Variants in RYR3 observed in about 807,000 individuals in gnomAD.
RYR3 encodes the protein ryanodine receptor 3, also known as brain ryanodine receptor-calcium release channel.
RYR3 carries 207 observed loss-of-function variants against 584.3 expected under a neutral mutation model. The ratio of observed to expected loss-of-function variants is 0.35; its 90% CI spans 0.32 to 0.40. The LOEUF (loss-of-function observed/expected upper bound fraction) is 0.40. Ranked by LOEUF, RYR3 falls within the 10% of genes least tolerant of loss-of-function variation. The pLI, the probability that RYR3 is intolerant of heterozygous loss-of-function variation, is 1.00. For missense variants in RYR3, 5,616 were observed against 6,089.2 expected, an observed-to-expected ratio of 0.92 and a Z score of 2.59; for synonymous variants, 2,416 against 2,248.5, an observed-to-expected ratio of 1.07 and a Z score of -2.11.
At chr15:33,737,522 T>C (rs2069607400) in intron 49 of RYR3, among the ~76,000 whole-genome samples, 1 of 152,178 alleles carries the variant, frequency 6.6e-6, no homozygotes, top group South Asian at 2.1e-4. Context: ...TCAGGCAGCA[T>C]TTTACTGTGC....
intron 2 of RYR3, among the ~76,000 whole-genome samples, chr15:33,490,358 C>A (rs2050861010): frequency 6.6e-6 from 1 of 152,176 alleles, no homozygotes; most frequent in East Asian, 1.9e-4. Flanking sequence ...TCTGTTTCTT[C>A]TTGGAGCATT....
intron 10 of RYR3, among the ~76,000 whole-genome samples, chr15:33,557,599 G>A (rs1317589092): frequency 6.6e-6 from 1 of 152,056 alleles, no homozygotes; most frequent in Non-Finnish European, 1.5e-5. Context: ...TGGCCGGGAT[G>A]GTCTTGATCT....
chr15:33,509,466 T>C (rs536217611), intron 3 of RYR3, among the ~76,000 whole-genome samples: 1 of 152,240 alleles, frequency 6.6e-6, no homozygotes, highest in Non-Finnish European at 1.5e-5. Flanking sequence ...ATTTTGTATG[T>C]GTGTGAGGAG....
intron 36 of RYR3, among the ~76,000 whole-genome samples, chr15:33,668,595 A>G (rs1292853990): frequency 6.6e-6 from 1 of 152,260 alleles, no homozygotes; most frequent in Non-Finnish European, 1.5e-5. Flanking sequence ...CAACAGGGAT[A>G]GGACATTTTT....
chr15:33,607,082 T>A (rs1243489357), intron 18 of RYR3, among the ~76,000 whole-genome samples: 1 of 152,192 alleles, frequency 6.6e-6, no homozygotes, highest in African/African-American at 2.4e-5. Context: ...CAGTCCTATG[T>A]GGACGAGATC....
Position 33,857,910 on chromosome 15 carries a change from T to C in RYR3, c.14138T>C (p.Met4713Thr), listed in dbSNP as rs1442820852. Residue 4713 changes from methionine (M) to threonine (T), a missense_variant, in exon 99 of 104, where the codon ATG becomes ACG. Met to Thr is a moderately conservative substitution (Grantham distance 81, BLOSUM62 -1). Transcript: ENST00000634891. ...DEPDMKCDDMMTCYLFHMYVG... is the reference protein window; with the variant it reads ...DEPDMKCDDMTTCYLFHMYVG... ...CCCGATATGAAGTGCGACGACATGA[T>C]GACGGTGAGAGCCCACCCACTGCGG... 1.7e-5 allele frequency: 28 copies of C among 1,613,942 alleles called. No individual in the cohort carries two copies. The highest frequency in any genetic ancestry group is 2.2e-5 in the East Asian group (1 of 44,894).
intron 48 of RYR3, among the ~76,000 whole-genome samples, chr15:33,732,408 C>A (rs1036251012): frequency 2.7e-5 from 4 of 148,682 alleles, no homozygotes; most frequent in Admixed American, 2.7e-4. Context: ...AAAAAGCGAC[C>A]TACCTCTAGG....
intron 16 of RYR3, among the ~76,000 whole-genome samples, chr15:33,598,527 A>T (rs1424350634): frequency 6.7e-6 from 1 of 149,434 alleles, no homozygotes; most frequent in East Asian, 2.0e-4. Context: ...TTAAATGCTA[A>T]CTTTAGTCGT....
At chr15:33,616,873 G>A (rs548822813) in intron 19 of RYR3, among the ~76,000 whole-genome samples, 3 of 152,342 alleles carry the variant, frequency 2.0e-5, no homozygotes, top group African/African-American at 7.2e-5. Context: ...TGCCTCTAGT[G>A]CATCACATGA....
Position 33,673,684 on chromosome 15 carries a change from T to C in RYR3, c.5860+3128T>C, listed in dbSNP as rs76923405. On this transcript the variant is annotated intron_variant, in intron 38 of 103. Coordinates refer to ENST00000634891, the MANE Select transcript of RYR3 (RefSeq NM_001036.6). ...TTCCAGAAGAGGCTGACCATCTATTTCTCCTAAATTCTAAAATTAACAAAA... is the reference window on the plus strand; with the variant it reads ...TTCCAGAAGAGGCTGACCATCTATTCCTCCTAAATTCTAAAATTAACAAAA... 6.5e-3 allele frequency among the ~76,000 whole-genome samples: 992 copies of C among 152,324 alleles called. 8 individuals carry two copies. Among genetic ancestry groups the C allele is most frequent in the African/African-American group, 0.023 (956 of 41,564 alleles).
chr15:33,646,262 T>C (rs1270777126), intron 28 of RYR3, 89 bp from the exon 29 acceptor site: 3 of 1,159,292 alleles, frequency 2.6e-6, no homozygotes. Context: ...ACAGAATGCC[T>C]TGCCATGTGC....
intron 10 of RYR3, among the ~76,000 whole-genome samples, chr15:33,560,942 A>G (rs1353077223): frequency 6.6e-6 from 1 of 152,192 alleles, no homozygotes; most frequent in Non-Finnish European, 1.5e-5. Context: ...AATCCAGCCA[A>G]TGTTTCAACA....
intron 94 of RYR3, chr15:33,851,668 C>T (rs2079125257): frequency 6.6e-6 from 1 of 152,156 alleles, no homozygotes; most frequent in Admixed American, 6.6e-5. Flanking sequence ...TGCCCAGAGC[C>T]TGTGGTCCTT....
intron 27 of RYR3, among the ~76,000 whole-genome samples, chr15:33,637,359 A>G (rs1262772522): frequency 6.6e-6 from 1 of 152,240 alleles, no homozygotes; most frequent in Admixed American, 6.5e-5. Flanking sequence ...TCCCAGATAT[A>G]AAATTCAACG....
Position 33,404,313 on chromosome 15 carries a change from T to A in RYR3, c.52-69106T>A, listed in dbSNP as rs529204917. On this transcript the variant is annotated intron_variant, in intron 1 of 103. Transcript: ENST00000634891. The stretch of plus-strand genomic sequence containing the variant: ...GTGCTCGTTTAATCTTTACAATGAT[T>A]CTAAACGATAAACATTCATCCCTTC... Among the ~76,000 whole-genome samples the A allele has an allele frequency of 9.8e-5, 15 of 152,316 alleles. 1 individual carries two copies. The highest frequency in any genetic ancestry group is 2.1e-4 in the South Asian group (1 of 4,828).
At chr15:33,811,071 C>G (rs4780181) in intron 72 of RYR3, 34 bp downstream of exon 72, 1,266,072 of 1,575,206 alleles carry the variant, frequency 0.8, 510,184 homozygotes, top group East Asian at 0.95. Context: ...GAACTCACAC[C>G]GGCTTTCCTT....
intron 27 of RYR3, among the ~76,000 whole-genome samples, chr15:33,637,391 T>G (rs527553349): frequency 6.6e-6 from 1 of 152,374 alleles, no homozygotes; most frequent in Non-Finnish European, 1.5e-5. Context: ...ACACCTGCTG[T>G]GTGAATGCCC....
At chr15:33,528,468 A>T (rs1466189855) in intron 3 of RYR3, among the ~76,000 whole-genome samples, 1 of 152,210 alleles carries the variant, frequency 6.6e-6, no homozygotes, top group East Asian at 1.9e-4. Flanking sequence ...TCATTGCATG[A>T]TACCTCTTTA....
chr15:33,746,329 C>T (rs961890121), intron 53 of RYR3, among the ~76,000 whole-genome samples, 172 bp downstream of exon 53: 6 of 152,240 alleles, frequency 3.9e-5, no homozygotes, highest in African/African-American at 1.4e-4. Context: ...GGACCAGTTT[C>T]CGAGAGCCCA....
Sources: allele counts gnomAD v4.1 joint callset (sites outside exome capture counted in the v4.1 genomes callset), GRCh38; gene constraint gnomAD v4.1.1; transcripts MANE v1.5; gene names NCBI Gene and HGNC (gene_info 2026-07-23, HGNC 2026-07-21).